METTL15: variants seen among roughly 807,000 people sequenced by gnomAD.
METTL15 encodes 12S rRNA N(4)-cytidine methyltransferase METTL15.
In METTL15, 34 loss-of-function variants were observed where a neutral mutation model predicts 38.3. The ratio of observed to expected loss-of-function variants is 0.89; its 90% CI spans 0.68 to 1.18. METTL15 has a LOEUF of 1.18. METTL15 is among the 50% of genes most tolerant of loss of function. METTL15 has a pLI of 0.00. For missense variants in METTL15, 438 were observed against 498.4 expected, an observed-to-expected ratio of 0.88 and a Z score of 1.15; for synonymous variants, 162 against 170.9, an observed-to-expected ratio of 0.95 and a Z score of 0.41.
At chr11:28,342,073 G>A (rs1017814360) in intron 3 of METTL15, among the ~76,000 whole-genome samples, 1 of 151,902 alleles carries the variant, frequency 6.6e-6, no homozygotes, top group African/African-American at 2.4e-5. Context: ...AAACTGTCAG[G>A]GCCACATTTT....
chr11:28,501,473 T>C (rs915639974), intron 6 of METTL15, among the ~76,000 whole-genome samples: 3 of 152,168 alleles, frequency 2.0e-5, no homozygotes, highest in African/African-American at 7.2e-5. Context: ...CAGAGGTTAC[T>C]TGAGATTTTA....
At chr11:28,413,481 A>G (rs897994862) in intron 5 of METTL15, among the ~76,000 whole-genome samples, 1 of 152,198 alleles carries the variant, frequency 6.6e-6, no homozygotes, top group African/African-American at 2.4e-5. Context: ...GCAAATCTGC[A>G]CAGTTTTTTC....
chr11:28,295,596 G>A (rs369114512), intron 5 of METTL15, among the ~76,000 whole-genome samples: 2 of 149,824 alleles, frequency 1.3e-5, no homozygotes, highest in East Asian at 1.9e-4. Flanking sequence ...GCGAAACTTC[G>A]TCTCAAAAAA....
chr11:28,354,820 G>A (rs1850076338), intron 4 of METTL15, among the ~76,000 whole-genome samples: 1 of 152,146 alleles, frequency 6.6e-6, no homozygotes, highest in African/African-American at 2.4e-5. Context: ...CTTCGTGTAT[G>A]TTTTGAGTTA....
chr11:28,292,805 G>A (rs1331967372), intron 5 of METTL15, among the ~76,000 whole-genome samples: 14 of 152,050 alleles, frequency 9.2e-5, no homozygotes, highest in Admixed American at 2.6e-4. Context: ...TTCTCTGATG[G>A]CTAGTGATGA....
intron 4 of METTL15, among the ~76,000 whole-genome samples, chr11:28,256,620 T>A (rs909072618): frequency 6.6e-6 from 1 of 152,118 alleles, no homozygotes; most frequent in Non-Finnish European, 1.5e-5. Flanking sequence ...GCTGAAGATT[T>A]GTCTATTTAT....
chr11:28,222,541 G>T (rs1286209178), intron 4 of METTL15, among the ~76,000 whole-genome samples: 1 of 152,166 alleles, frequency 6.6e-6, no homozygotes, highest in African/African-American at 2.4e-5. Flanking sequence ...CTCACGCTTG[G>T]TGTGCTTCAT....
intron 6 of METTL15, among the ~76,000 whole-genome samples, chr11:28,300,715 G>A (rs895653484): frequency 2.6e-5 from 4 of 152,094 alleles, no homozygotes; most frequent in African/African-American, 7.2e-5. Context: ...ACTACTGGCC[G>A]TGAATCTTAA....
At chr11:28,138,182 T>G (rs1042036766) in intron 3 of METTL15, among the ~76,000 whole-genome samples, 5 of 152,064 alleles carry the variant, frequency 3.3e-5, no homozygotes, top group African/African-American at 1.2e-4. Context: ...TCCTAGGCTA[T>G]CAGAAGTTAT....
At chr11:28,116,017 C>G (rs912369092) in intron 3 of METTL15, among the ~76,000 whole-genome samples, 1 of 151,600 alleles carries the variant, frequency 6.6e-6, no homozygotes, top group South Asian at 2.1e-4. Flanking sequence ...TAAGCCAATT[C>G]CTTAACATAA....
At chr11:28,408,954 T>C (rs145677972) in intron 5 of METTL15, among the ~76,000 whole-genome samples, 1 of 152,310 alleles carries the variant, frequency 6.6e-6, no homozygotes, top group East Asian at 1.9e-4. Flanking sequence ...AATTACACTT[T>C]AGGCCAAATG....
chr11:28,140,033 T>A (rs545155390), intron 3 of METTL15, among the ~76,000 whole-genome samples: 1 of 152,256 alleles, frequency 6.6e-6, no homozygotes, highest in Non-Finnish European at 1.5e-5. Flanking sequence ...GGATGGAGCA[T>A]GTGCATGTGC....
At chr11:28,367,628 C>T (rs1229324473) in intron 5 of METTL15, among the ~76,000 whole-genome samples, 1 of 152,218 alleles carries the variant, frequency 6.6e-6, no homozygotes, top group Middle Eastern at 3.4e-3. Flanking sequence ...CAAAAAAGAG[C>T]CTGCATAGCC....
intron 3 of METTL15, among the ~76,000 whole-genome samples, chr11:28,205,551 G>A (rs1852297132): frequency 6.6e-6 from 1 of 152,076 alleles, no homozygotes; most frequent in Non-Finnish European, 1.5e-5. Flanking sequence ...ATTGTGAATA[G>A]TGCCTCAATA....
intron 4 of METTL15, among the ~76,000 whole-genome samples, chr11:28,286,224 C>A (rs1316440944): frequency 6.6e-6 from 1 of 152,086 alleles, no homozygotes; most frequent in East Asian, 1.9e-4. Context: ...AACTTCAGGC[C>A]TTTCAACTGA....
intron 4 of METTL15, among the ~76,000 whole-genome samples, chr11:28,217,776 T>G (rs143776247): frequency 4.6e-4 from 70 of 152,364 alleles, no homozygotes; most frequent in Non-Finnish European, 7.1e-4. Context: ...TTTCTACATA[T>G]GGCTAGCCAG....
intron 3 of METTL15, among the ~76,000 whole-genome samples, chr11:28,193,328 C>G (rs746170736): frequency 2.0e-5 from 3 of 152,078 alleles, no homozygotes; most frequent in Admixed American, 1.3e-4. Flanking sequence ...GGGGAGAACT[C>G]AGGAAACTTA....
intron 4 of METTL15, among the ~76,000 whole-genome samples, chr11:28,233,661 C>T (rs1464658584): frequency 2.6e-5 from 4 of 151,824 alleles, no homozygotes; most frequent in African/African-American, 9.7e-5. Flanking sequence ...AGTTGTTTCT[C>T]CTGCTTTTAT....
chr11:28,282,756 A>G (rs1173716396), intron 4 of METTL15, among the ~76,000 whole-genome samples: 1 of 152,160 alleles, frequency 6.6e-6, no homozygotes, highest in East Asian at 1.9e-4. Context: ...TGGTCCATTC[A>G]TCATCTTTAC....
Sources: allele counts gnomAD v4.1 joint callset (sites outside exome capture counted in the v4.1 genomes callset), GRCh38; gene constraint gnomAD v4.1.1; transcripts MANE v1.5; gene names NCBI Gene and HGNC (gene_info 2026-07-23, HGNC 2026-07-21).